The following FGD3 variants were observed in gnomAD, a reference collection of about 807,000 sequenced individuals.
FGD3 encodes the protein FYVE, RhoGEF and PH domain containing 3, also known as FYVE, RhoGEF and PH domain-containing protein 3.
Under a neutral mutation model 71.8 loss-of-function variants are expected in FGD3, and 45 were observed. The observed-to-expected ratio is 0.63, with a 90% CI of 0.49 to 0.80. The LOEUF is 0.80. FGD3 is among the 30% of genes least tolerant of loss of function. The pLI is 0.00. For missense variants in FGD3, 844 were observed against 951.5 expected (o/e 0.89, Z 1.49); for synonymous variants, 378 against 392.8 (o/e 0.96, Z 0.44).
At chr9:92,967,606 C>T (rs530871970) in intron 1 of FGD3, among the ~76,000 whole-genome samples, 19 of 152,180 alleles carry the variant, frequency 1.2e-4, no homozygotes, top group Non-Finnish European at 2.1e-4. Context: ...GATGGAGTCT[C>T]ACTCTGTCAC....
At chr9:93,004,183 T>A in intron 5 of FGD3, 46 bp downstream of exon 5, 1 of 1,606,676 alleles carries the variant, frequency 6.2e-7, no homozygotes, top group Non-Finnish European at 8.5e-7. Context: ...AAGTGTTCTC[T>A]AGACCAGGGT....
chr9:92,992,028 TTA>T (rs1251012616), intron 3 of FGD3, among the ~76,000 whole-genome samples: 4 of 152,214 alleles, frequency 2.6e-5, no homozygotes, highest in Non-Finnish European at 5.9e-5. Flanking sequence ...AACTTTCAGT[TTA>T]TGTGTGTCTT....
chr9:93,001,357 C>T lies in FGD3; in HGVS notation c.454-1568C>T, dbSNP rs1414984640. On this transcript the variant is annotated intron_variant, in intron 3 of 17. Transcript: ENST00000375482. ...TTGATTGGGCTACATTTTTCTGTTT[C>T]TTTGTAGCTAATTTTGTTTCATCTA... 2.0e-5 allele frequency among the ~76,000 whole-genome samples: 3 copies of T among 151,976 alleles called. No individual in the cohort carries two copies. In the South Asian group the frequency reaches 6.2e-4, roughly 31 times the overall value.
chr9:92,978,805 C>T (rs1859882196), intron 3 of FGD3, among the ~76,000 whole-genome samples: 1 of 128,194 alleles, frequency 7.8e-6, no homozygotes, highest in African/African-American at 3.0e-5. Flanking sequence ...CTCTCCTTCC[C>T]TTCCCTTTCC....
chr9:92,954,495 G>A (rs1587808347), intron 1 of FGD3, among the ~76,000 whole-genome samples: 1 of 152,308 alleles, frequency 6.6e-6, no homozygotes, highest in East Asian at 1.9e-4. Flanking sequence ...GTGCCCGTGT[G>A]GCCCAAGTGA....
At chr9:93,028,067 T>C (rs1159771825) in intron 14 of FGD3, among the ~76,000 whole-genome samples, 1 of 151,906 alleles carries the variant, frequency 6.6e-6, no homozygotes, top group Non-Finnish European at 1.5e-5. Context: ...TTTTTAAGCG[T>C]ATGTTGTTTA....
intron 3 of FGD3, among the ~76,000 whole-genome samples, chr9:92,993,945 T>C (rs1860525032): frequency 6.6e-6 from 1 of 152,244 alleles, no homozygotes; most frequent in South Asian, 2.1e-4. Flanking sequence ...TGTGTCTTTA[T>C]AGCAGCGTGA....
intron 13 of FGD3, among the ~76,000 whole-genome samples, chr9:93,021,627 G>A (rs182041765): frequency 2.3e-4 from 35 of 152,208 alleles, no homozygotes; most frequent in Middle Eastern, 3.4e-3. Flanking sequence ...TCAGAGTGAG[G>A]GTGCCCCAAC....
chr9:93,010,469 C>A, intron 7 of FGD3, 85 bp downstream of exon 7: 1 of 1,344,916 alleles, frequency 7.4e-7, no homozygotes, highest in Non-Finnish European at 9.9e-7. Flanking sequence ...GAGAGAGAGT[C>A]GTGGGGTCAT....
At chr9:92,977,792 C>G (rs1859823663) in intron 3 of FGD3, among the ~76,000 whole-genome samples, 1 of 152,124 alleles carries the variant, frequency 6.6e-6, no homozygotes, top group Admixed American at 6.5e-5. Context: ...CTGCGGGAAA[C>G]TTGAGTTCCC....
intron 7 of FGD3, 135 bp downstream of exon 7, chr9:93,010,519 G>A: frequency 1.2e-6 from 1 of 868,070 alleles, no homozygotes. Flanking sequence ...CAGAGGGAAA[G>A]AGACAGAGAC....
intron 1 of FGD3, among the ~76,000 whole-genome samples, chr9:92,959,099 A>G (rs1859119466): frequency 6.6e-6 from 1 of 152,124 alleles, no homozygotes; most frequent in South Asian, 2.1e-4. Context: ...AGCTGGGACT[A>G]CAGGTGCCTG....
At chr9:92,981,368 CAAA>C (rs11454338) in intron 3 of FGD3, among the ~76,000 whole-genome samples, 1 of 111,770 alleles carries the variant, frequency 8.9e-6, no homozygotes, top group Non-Finnish European at 1.8e-5. Context: ...ATTCCATCTC[CAAA>C]AAAAAAAAAA....
chr9:93,012,719 T>A (rs1416632288), intron 8 of FGD3, among the ~76,000 whole-genome samples: 1 of 149,698 alleles, frequency 6.7e-6, no homozygotes, highest in African/African-American at 2.5e-5. Context: ...TCAATCTACA[T>A]AGAATGCTCA....
At chr9:92,961,404 T>C (rs1467262722) in intron 1 of FGD3, among the ~76,000 whole-genome samples, 1 of 152,140 alleles carries the variant, frequency 6.6e-6, no homozygotes, top group East Asian at 1.9e-4. Flanking sequence ...GAGCCCTCCA[T>C]GGTCACCAGG....
chr9:92,984,180 C>G (rs1172484234), intron 3 of FGD3, among the ~76,000 whole-genome samples: 5 of 152,224 alleles, frequency 3.3e-5, no homozygotes, highest in Non-Finnish European at 7.3e-5. Context: ...GTCATGATCG[C>G]AGTTTATAAA....
At chr9:92,954,119 G>A (rs994138680) in intron 1 of FGD3, among the ~76,000 whole-genome samples, 3 of 152,116 alleles carry the variant, frequency 2.0e-5, no homozygotes, top group Non-Finnish European at 2.9e-5. Flanking sequence ...ACCCAGAGAC[G>A]GTCACTCTCA....
Position 93,004,062 on chromosome 9 carries a change from C to CT in FGD3, c.606dup (p.Asn203Ter). On this transcript the variant is annotated frameshift_variant, in exon 5 of 18. Coordinates refer to ENST00000375482, the MANE Select transcript of FGD3 (RefSeq NM_001083536.2). LOFTEE classifies it high-confidence loss of function. ...CCAGAAGTCATCATGGGCATATTCT[C>CT]TAACATCTCCTCCATCCACCGCTTC... 6.2e-7 allele frequency: 1 copy of CT among 1,614,202 alleles called. No individual in the cohort carries two copies. The highest frequency in any genetic ancestry group is 8.5e-7 in the Non-Finnish European group (1 of 1,180,034).
intron 1 of FGD3, chr9:92,964,479 G>A (rs561951675): frequency 6.6e-6 from 1 of 152,420 alleles, no homozygotes; most frequent in African/African-American, 2.4e-5. Context: ...TTCAAGGCAG[G>A]AAGTGGCTGT....
Sources: gnomAD v4.1 joint callset for allele counts (sites outside exome capture counted in the v4.1 genomes callset) on GRCh38, gnomAD v4.1.1 for gene constraint, MANE v1.5 for transcripts, NCBI Gene and HGNC (gene_info 2026-07-23, HGNC 2026-07-21) for gene names.